Variants in PASD1 observed in about 807,000 individuals in gnomAD.
The protein encoded by PASD1 is PAS domain containing repressor 1, also known as circadian clock protein PASD1.
Under a neutral mutation model 58.8 loss-of-function variants are expected in PASD1, and 13 were observed. The ratio of observed to expected loss-of-function variants is 0.22; its 90% confidence interval spans 0.14 to 0.35. PASD1 has a LOEUF of 0.35. Among genes scored for constraint, PASD1 ranks in the 10% least tolerant of loss-of-function variants. The pLI, the probability that PASD1 is intolerant of heterozygous loss-of-function variation, is 1.00. For missense variants in PASD1, 734 were observed against 568.3 expected (o/e 1.29, Z -2.96); for synonymous variants, 236 against 216.7 (o/e 1.09, Z -0.78).
intron 13 of PASD1, 149 bp downstream of exon 13, chrX:151,671,928 G>T: frequency 1.4e-6 from 1 of 728,640 alleles, no homozygotes; most frequent in Non-Finnish European, 2.0e-6. Flanking sequence ...GGGCTACCTA[G>T]ACCTGAATGC....
chrX:151,664,498 G>C, intron 11 of PASD1, 150 bp downstream of exon 11: 2 of 987,725 alleles, frequency 2.0e-6, no homozygotes, highest in Non-Finnish European at 2.7e-6. Context: ...TGTTATACTG[G>C]ATTTTCAGAT....
chrX:151,623,103 T>C (rs1388776566), intron 7 of PASD1, 39 bp downstream of exon 7: 2 of 1,196,472 alleles, frequency 1.7e-6, no homozygotes, highest in Non-Finnish European at 2.3e-6. Flanking sequence ...GCTGTGGCGA[T>C]GTGGGCTTCC....
chrX:151,573,412 A>G (rs1476786541), intron 1 of PASD1, among the ~76,000 whole-genome samples: 4 of 112,061 alleles, frequency 3.6e-5, no homozygotes, highest in Non-Finnish European at 7.5e-5. Flanking sequence ...ATTTTTCACA[A>G]TTTTCAACTA....
At chrX:151,662,058 G>A (rs1019797265) in intron 10 of PASD1, among the ~76,000 whole-genome samples, 1 of 112,230 alleles carries the variant, frequency 8.9e-6, no homozygotes, top group African/African-American at 3.2e-5. Flanking sequence ...AATGTTTTCT[G>A]TTTCTCCTTA....
At chrX:151,653,826 CCTTCCTTCCT>C (rs2014183977) in intron 9 of PASD1, among the ~76,000 whole-genome samples, 1 of 26,286 alleles carries the variant, frequency 3.8e-5, no homozygotes, top group African/African-American at 8.6e-5. Flanking sequence ...TTCCTTCCTT[CCTTCCTTCCT>C]TCCTTCCTTC....
At chrX:151,622,631 T>C (rs1284438544) in intron 6 of PASD1, among the ~76,000 whole-genome samples, 10 of 96,214 alleles carry the variant, frequency 1.0e-4, no homozygotes, top group Non-Finnish European at 1.7e-4. Flanking sequence ...CCACACACTC[T>C]ACCCATATGG....
At chrX:151,668,028 A>G (rs1001912728) in intron 11 of PASD1, among the ~76,000 whole-genome samples, 3 of 111,390 alleles carry the variant, frequency 2.7e-5, no homozygotes, top group Admixed American at 9.6e-5. Context: ...CCTGGCCAGA[A>G]CTTGCAACAC....
At chrX:151,674,482 G>C (rs2014520051) in intron 15 of PASD1, among the ~76,000 whole-genome samples, 1 of 112,731 alleles carries the variant, frequency 8.9e-6, no homozygotes, top group Non-Finnish European at 1.9e-5. Flanking sequence ...TTTTTAATCT[G>C]AGCTCATCGT....
intron 9 of PASD1, among the ~76,000 whole-genome samples, chrX:151,654,361 A>T (rs1481102339): frequency 9.0e-6 from 1 of 111,111 alleles, no homozygotes; most frequent in Non-Finnish European, 1.9e-5. Context: ...CCAACTGGAG[A>T]TGTAATACAG....
chrX:151,675,679 G>GT (rs755875395), intron 15 of PASD1, among the ~76,000 whole-genome samples: 1 of 112,184 alleles, frequency 8.9e-6, no homozygotes, highest in African/African-American at 3.2e-5. Context: ...CCCAAGGCTA[G>GT]TGGCCTTGGC....
At chrX:151,665,134 G>C (rs2014361636) in intron 11 of PASD1, among the ~76,000 whole-genome samples, 1 of 111,814 alleles carries the variant, frequency 8.9e-6, no homozygotes, top group Non-Finnish European at 1.9e-5. Context: ...GTTTGAGTTT[G>C]GCCCCAGCAG....
At chrX:151,587,776 G>C (rs1202486848) in intron 1 of PASD1, among the ~76,000 whole-genome samples, 3 of 111,685 alleles carry the variant, frequency 2.7e-5, no homozygotes, top group Non-Finnish European at 5.6e-5. Flanking sequence ...GCCTTTCCTG[G>C]CGTATTGTGT....
At chrX:151,608,802 T>C (rs757347083) in intron 3 of PASD1, among the ~76,000 whole-genome samples, 1 of 111,675 alleles carries the variant, frequency 9.0e-6, no homozygotes, top group East Asian at 2.8e-4. Flanking sequence ...AAGTCACTTT[T>C]TGCAATTTAT....
intron 1 of PASD1, among the ~76,000 whole-genome samples, chrX:151,571,075 C>A (rs180751710): frequency 2.7e-4 from 30 of 111,898 alleles, no homozygotes; most frequent in Middle Eastern, 4.7e-3. Context: ...TTGTGCAAGG[C>A]TGGGGGATCA....
rs1289320192 is a variant in PASD1, at chrX:151,676,357, G to A, written c.*214G>A. On this transcript the variant is annotated 3_prime_UTR_variant, in exon 16 of 16. Coordinates refer to ENST00000370357, the MANE Select transcript of PASD1 (RefSeq NM_173493.3). ...ATGCTGTAGAGGCAGCCTGTGATCC[G>A]TAGTATGCTAGGGTGTGACAGCAGC... 7 of 374,813 alleles carry A rather than the reference G, an allele frequency of 1.9e-5. No homozygotes were observed. The highest frequency in any genetic ancestry group is 2.7e-5 in the Non-Finnish European group (6 of 225,382). 30.9% of individuals were successfully genotyped at this position (374,813 alleles called of 1,213,427 possible). A position where few individuals can be genotyped will look rare whatever the true frequency, so the allele number is the denominator to read the frequency against.
chrX:151,626,704 A>G (rs376990226), intron 8 of PASD1, among the ~76,000 whole-genome samples: 3 of 112,218 alleles, frequency 2.7e-5, no homozygotes, highest in African/African-American at 9.7e-5. Context: ...AAATAAGCAA[A>G]CAAGAGAACT....
intron 6 of PASD1, 58 bp from the exon 7 acceptor site, chrX:151,622,876 TTTG>T: frequency 8.9e-7 from 1 of 1,122,333 alleles, no homozygotes; most frequent in South Asian, 2.2e-5. Context: ...GTGTCAGGTA[TTTG>T]TCTTCTTGTT....
intron 1 of PASD1, among the ~76,000 whole-genome samples, chrX:151,584,574 G>A (rs370707853): frequency 1.8e-5 from 2 of 111,750 alleles, no homozygotes; most frequent in East Asian, 5.6e-4. Flanking sequence ...TGTTGGGGGT[G>A]GAGGTAGCCC....
At chrX:151,675,219 A>C (rs904069522) in intron 15 of PASD1, among the ~76,000 whole-genome samples, 7 of 112,229 alleles carry the variant, frequency 6.2e-5, no homozygotes, top group African/African-American at 9.7e-5. Flanking sequence ...AAAGCAGGGC[A>C]GGACCAAGTC....
Sources: allele counts gnomAD v4.1 joint callset (sites outside exome capture counted in the v4.1 genomes callset), GRCh38; gene constraint gnomAD v4.1.1; transcripts MANE v1.5; gene names NCBI Gene and HGNC (gene_info 2026-07-23, HGNC 2026-07-21).